Variants in EPB41L1 observed in about 807,000 individuals in gnomAD.
The protein encoded by EPB41L1 is band 4.1-like protein 1.
Under a neutral mutation model 97.8 loss-of-function variants are expected in EPB41L1, and 29 were observed. The observed-to-expected ratio is 0.30, with a 90% confidence interval of 0.22 to 0.40. The LOEUF is 0.40. Among genes scored for constraint, EPB41L1 ranks in the 10% least tolerant of loss-of-function variants. EPB41L1 has a pLI of 1.00. For synonymous variants in EPB41L1, 383 were observed against 459.2 expected, an observed-to-expected ratio of 0.83 and a Z score of 2.12; for missense variants, 812 against 1,162.3, an observed-to-expected ratio of 0.70 and a Z score of 4.38.
At chr20:36,099,706 C>T (rs1430737398) in intron 1 of EPB41L1, among the ~76,000 whole-genome samples, 1 of 152,148 alleles carries the variant, frequency 6.6e-6, no homozygotes, top group Non-Finnish European at 1.5e-5. Context: ...AGGAGGGAAA[C>T]ATGCTCAGGG....
At chr20:36,119,126 G>A (rs528603315) in intron 2 of EPB41L1, among the ~76,000 whole-genome samples, 2 of 152,344 alleles carry the variant, frequency 1.3e-5, no homozygotes, top group East Asian at 3.9e-4. Context: ...AGACTGGGAT[G>A]AAGAACCAAG....
chr20:36,200,900 C>T (rs745665393), intron 14 of EPB41L1: 6 of 456,572 alleles, frequency 1.3e-5, no homozygotes, highest in South Asian at 4.6e-5. Flanking sequence ...CATCTCTCAG[C>T]GGGACTTGGT....
At chr20:36,174,743 T>C (rs1488472835) in intron 2 of EPB41L1, among the ~76,000 whole-genome samples, 1 of 152,124 alleles carries the variant, frequency 6.6e-6, no homozygotes, top group Non-Finnish European at 1.5e-5. Context: ...AATTTTATTC[T>C]CTCAGACTAA....
intron 15 of EPB41L1, among the ~76,000 whole-genome samples, chr20:36,211,437 G>T (rs2063128046): frequency 6.6e-6 from 1 of 152,036 alleles, no homozygotes; most frequent in African/African-American, 2.4e-5. Context: ...GTCACAGCTT[G>T]CCATACCCAA....
In EPB41L1 at chr20:36,229,625, G is replaced by A. The variant is rs185626521; in HGVS notation, c.*285G>A. ...CCTACATTTCCTTTGCAGACAAATT[G>A]AAGAACTGGTGGGATTTTTTTCAAG... On this transcript the variant is annotated 3_prime_UTR_variant, in exon 22 of 22. Coordinates refer to ENST00000338074, the MANE Select transcript of EPB41L1 (RefSeq NM_012156.2). The A allele has an allele frequency of 6.4e-6, 2 of 311,674 alleles. No individual in the cohort carries two copies. Among genetic ancestry groups the A allele is most frequent in the Non-Finnish European group, 1.2e-5 (2 of 170,436 alleles). 19.3% of individuals were successfully genotyped at this position (311,674 alleles called of 1,614,324 possible).
At chr20:36,162,807 G>A (rs563100602) in intron 1 of EPB41L1, among the ~76,000 whole-genome samples, 76 of 152,338 alleles carry the variant, frequency 5.0e-4, no homozygotes, top group Admixed American at 4.8e-3. Context: ...TTTTCACATT[G>A]TTTGGTCTAA....
At chr20:36,103,926 G>A (rs1027096056) in intron 1 of EPB41L1, among the ~76,000 whole-genome samples, 4 of 152,138 alleles carry the variant, frequency 2.6e-5, no homozygotes, top group Non-Finnish European at 2.9e-5. Flanking sequence ...GGATGGTCTC[G>A]ATCTCCTGAC....
Position 36,092,756 on chromosome 20 carries a change from C to T in EPB41L1, c.-65+1144C>T, listed in dbSNP as rs894309737. On this transcript the variant is annotated intron_variant, in intron 1 of 19. Transcript: ENST00000202028. The surrounding 1 kb of genome is among the most constrained non-coding windows in gnomAD (Gnocchi z 7.0). ...GCGCCTCGGAGCCCGCCGGGGCAGC[C>T]GCCGGACACCAGGACCGCGAGCCAG... is the stretch of plus-strand genomic sequence containing the variant. The T allele has an allele frequency of 6.6e-6, 1 of 152,410 alleles. No homozygotes were observed. 9.4% of individuals were successfully genotyped at this position (152,410 alleles called of 1,614,324 possible). A position where few individuals can be genotyped will look rare whatever the true frequency, so the allele number is the denominator to read the frequency against.
intron 21 of EPB41L1, among the ~76,000 whole-genome samples, chr20:36,227,671 C>T (rs894523177): frequency 1.3e-5 from 2 of 152,176 alleles, no homozygotes; most frequent in Non-Finnish European, 2.9e-5. Context: ...GGGTGTTTGT[C>T]TTACTGGTCT....
intron 1 of EPB41L1, among the ~76,000 whole-genome samples, chr20:36,170,728 G>A (rs1333317103): frequency 6.6e-6 from 1 of 152,174 alleles, no homozygotes; most frequent in Non-Finnish European, 1.5e-5. Flanking sequence ...GAGAGTGGGC[G>A]GAGGAACCAG....
chr20:36,154,617 C>A (rs2060204344), upstream of EPB41L1: 3 of 889,584 alleles, frequency 3.4e-6, no homozygotes, highest in Non-Finnish European at 3.9e-6. The surrounding 1 kb of genome is among the most constrained non-coding windows in gnomAD (Gnocchi z 5.5). Flanking sequence ...CGCCCCTGGG[C>A]TGGGCTCCGA....
chr20:36,119,517 G>A lies in EPB41L1; in HGVS notation c.-10+7037G>A, dbSNP rs375275229. On this transcript the variant is annotated intron_variant, in intron 2 of 19. Transcript: ENST00000202028. ...CTCAGGAGGCTGAAGCAGGAGAATC[G>A]CTTGAACCTGGTAGGGTTGCAGAGA... Among the ~76,000 whole-genome samples, 47 of 152,114 alleles carry A rather than the reference G, an allele frequency of 3.1e-4. 1 individual carries two copies. The highest frequency in any genetic ancestry group is 2.3e-3 in the East Asian group (12 of 5,184).
chr20:36,147,904 TG>T (rs1289212162), intron 2 of EPB41L1, among the ~76,000 whole-genome samples: 1 of 152,168 alleles, frequency 6.6e-6, no homozygotes, highest in Non-Finnish European at 1.5e-5. Context: ...AGTGGGTACA[TG>T]GCCAGATTTT....
intron 1 of EPB41L1, among the ~76,000 whole-genome samples, chr20:36,103,194 G>T (rs762189944): frequency 1.3e-5 from 2 of 152,178 alleles, no homozygotes; most frequent in Non-Finnish European, 2.9e-5. Context: ...CTTTATCCAG[G>T]GAGGTGGCTT....
intron 2 of EPB41L1, among the ~76,000 whole-genome samples, chr20:36,133,005 T>C (rs1472994218): frequency 6.6e-6 from 1 of 152,236 alleles, no homozygotes; most frequent in East Asian, 1.9e-4. Flanking sequence ...AAGGAACAAC[T>C]CTTGAAAAAG....
At chr20:36,211,748 G>A (rs756301360) in intron 15 of EPB41L1, among the ~76,000 whole-genome samples, 6 of 152,080 alleles carry the variant, frequency 3.9e-5, no homozygotes, top group Non-Finnish European at 8.8e-5. Flanking sequence ...CAGCTACCTG[G>A]GAGGCTGAGG....
chr20:36,101,020 G>T (rs2057999047), intron 1 of EPB41L1, among the ~76,000 whole-genome samples: 1 of 152,100 alleles, frequency 6.6e-6, no homozygotes, highest in African/African-American at 2.4e-5. Flanking sequence ...CCTAGTTATT[G>T]TTTTGTCTCT....
intron 1 of EPB41L1, among the ~76,000 whole-genome samples, chr20:36,156,784 G>C (rs2060319211): frequency 6.6e-6 from 1 of 152,196 alleles, no homozygotes; most frequent in Non-Finnish European, 1.5e-5. Flanking sequence ...AGAGCTGAGA[G>C]GATGCCAGGT....
intron 1 of EPB41L1, among the ~76,000 whole-genome samples, chr20:36,111,308 C>T (rs897620775): frequency 2.0e-5 from 3 of 152,182 alleles, no homozygotes; most frequent in African/African-American, 4.8e-5. Flanking sequence ...GTAGGAACAC[C>T]TCATCCCACC....
Sources: allele counts gnomAD v4.1 joint callset (sites outside exome capture counted in the v4.1 genomes callset), GRCh38; gene constraint gnomAD v4.1.1; non-coding constraint Gnocchi (gnomAD v3.1); transcripts MANE v1.5; gene names NCBI Gene and HGNC (gene_info 2026-07-23, HGNC 2026-07-21).